The following DIAPH2 variants were observed in gnomAD, a reference collection of about 807,000 sequenced individuals.
DIAPH2 encodes the protein protein diaphanous homolog 2.
Under a neutral mutation model 92.7 loss-of-function variants are expected in DIAPH2, and 35 were observed. That is an observed-to-expected ratio of 0.38 (90% CI 0.29 to 0.50). The LOEUF (loss-of-function observed/expected upper bound fraction) is 0.50, where lower values mean the gene tolerates loss of function less well. Ranked by LOEUF, DIAPH2 falls within the 20% of genes least tolerant of loss-of-function variation. The pLI, the probability that DIAPH2 is intolerant of heterozygous loss-of-function variation, is 0.94. For missense variants in DIAPH2, 701 were observed against 819.5 expected (o/e 0.86, Z 1.77); for synonymous variants, 301 against 280.4 (o/e 1.07, Z -0.73).
At chrX:96,752,696 AG>A (rs1413765746) in intron 3 of DIAPH2, among the ~76,000 whole-genome samples, 1 of 111,895 alleles carries the variant, frequency 8.9e-6, no homozygotes, top group African/African-American at 3.2e-5. Context: ...ACCACATTTC[AG>A]GCAGGGAGAA....
intron 4 of DIAPH2, among the ~76,000 whole-genome samples, chrX:96,843,324 C>G (rs1433874964): frequency 9.0e-6 from 1 of 111,585 alleles, no homozygotes; most frequent in African/African-American, 3.3e-5. Flanking sequence ...GAACTGTGAG[C>G]CAATTAAACA....
In DIAPH2 at chrX:97,196,842, A is replaced by C. The variant is rs375912541; in HGVS notation, c.2720-50873A>C. Reference sequence around the variant, plus strand: ...GCTTTTGTTGCCCAGGCTGGAGTGCAGTGGTGTGATTTTGGCTCACTGCAA... The same window carrying C: ...GCTTTTGTTGCCCAGGCTGGAGTGCCGTGGTGTGATTTTGGCTCACTGCAA... On this transcript the variant is annotated intron_variant, in intron 22 of 26. Coordinates refer to ENST00000324765, the MANE Select transcript of DIAPH2 (RefSeq NM_006729.5). Among the ~76,000 whole-genome samples the C allele has an allele frequency of 7.9e-5, 8 of 101,065 alleles. No homozygotes were observed. The East Asian group carries it at 2.4e-3, about 31-fold the overall frequency. The allele number at this position is 101,065 out of a possible 115,157, so 87.8% of individuals were successfully genotyped here. A position where few individuals can be genotyped will look rare whatever the true frequency, so the allele number is the denominator to read the frequency against.
chrX:97,511,434 T>C (rs2070891894), intron 26 of DIAPH2, among the ~76,000 whole-genome samples: 1 of 104,877 alleles, frequency 9.5e-6, no homozygotes, highest in South Asian at 4.5e-4. Flanking sequence ...TTTCTAGATA[T>C]ACAATCATGT....
intron 25 of DIAPH2, among the ~76,000 whole-genome samples, chrX:97,405,163 A>G (rs1437236227): frequency 1.8e-5 from 2 of 111,925 alleles, no homozygotes; most frequent in Admixed American, 1.9e-4. Context: ...GAGGGAAAAA[A>G]TGAGTTCTAG....
intron 25 of DIAPH2, among the ~76,000 whole-genome samples, chrX:97,415,077 A>ATTTG (rs916213928): frequency 2.7e-5 from 3 of 111,937 alleles, no homozygotes; most frequent in Non-Finnish European, 5.6e-5. Flanking sequence ...GAAGACATTT[A>ATTTG]TGCAGCCAAA....
chrX:97,134,690 C>T (rs1333257370), intron 21 of DIAPH2, among the ~76,000 whole-genome samples: 2 of 111,285 alleles, frequency 1.8e-5, no homozygotes, highest in East Asian at 5.7e-4. Flanking sequence ...GTAGCAAATG[C>T]TCATGAATTC....
chrX:97,207,221 T>C (rs1421174336), intron 22 of DIAPH2, among the ~76,000 whole-genome samples: 1 of 112,123 alleles, frequency 8.9e-6, no homozygotes, highest in Non-Finnish European at 1.9e-5. Flanking sequence ...ACTTTACCAA[T>C]ATTGTGAAAA....
intron 4 of DIAPH2, among the ~76,000 whole-genome samples, chrX:96,837,899 A>G (rs1041483544): frequency 1.8e-5 from 2 of 111,118 alleles, no homozygotes; most frequent in Non-Finnish European, 3.8e-5. Flanking sequence ...CCATGCCGCT[A>G]CTCTTATAGA....
At chrX:97,055,874 T>G (rs1225335431) in intron 17 of DIAPH2, among the ~76,000 whole-genome samples, 1 of 111,723 alleles carries the variant, frequency 9.0e-6, no homozygotes, top group East Asian at 2.8e-4. Context: ...TATCGATGTA[T>G]ATACATATAG....
Position 96,952,346 on chromosome X carries a change from G to T in DIAPH2, c.1614+3307G>T, listed in dbSNP as rs775196040. 2.7e-5 allele frequency among the ~76,000 whole-genome samples: 3 copies of T among 111,695 alleles called. No individual in the cohort carries two copies. In the Admixed American group the frequency reaches 2.9e-4, roughly 11 times the overall value. On this transcript the variant is annotated intron_variant, in intron 15 of 26. Transcript: ENST00000324765. Reference sequence around the variant, plus strand: ...TGAATATTATGGGTAACCTTTCCATGATCTTGTCTACCTATGAGTGTTAGT... The same window carrying T: ...TGAATATTATGGGTAACCTTTCCATTATCTTGTCTACCTATGAGTGTTAGT...
At chrX:97,085,708 C>T (rs1280723986) in intron 19 of DIAPH2, among the ~76,000 whole-genome samples, 1 of 111,804 alleles carries the variant, frequency 8.9e-6, no homozygotes, top group African/African-American at 3.3e-5. Flanking sequence ...TGAGCCACCG[C>T]GGCCGGCCAA....
At chrX:96,888,492 TATATCTCTATATATGTACACACAGATAC>T (rs2065280211) in intron 5 of DIAPH2, among the ~76,000 whole-genome samples, 1 of 104,564 alleles carries the variant, frequency 9.6e-6, no homozygotes, top group Admixed American at 1.1e-4. Context: ...AACACAGATA[TATATCTCTATATATGTACACACAGATAC>T]ATATATCTAT....
Position 97,073,020 on chromosome X carries a change from T to A in DIAPH2, c.2130T>A (p.Asp710Glu). 1.7e-6 allele frequency: 2 copies of A among 1,196,640 alleles called. No individual in the cohort carries two copies. The highest frequency in any genetic ancestry group is 2.3e-6 in the Non-Finnish European group (2 of 885,803). Reference sequence around the variant, plus strand: ...AAGTGAAAGAACTGAGAATTTTGGATCCCAAAACAGCTCAGAATCTGTGTA... The same window carrying A: ...AAGTGAAAGAACTGAGAATTTTGGAACCCAAAACAGCTCAGAATCTGTGTA... The part of the protein sequence containing the change: ...KKKVKELRIL[D>E]PKTAQNLSIF... The change falls in exon 18 of 27, where the codon GAT (aspartate) becomes GAA (glutamate). Residue 710 changes from aspartate to glutamate, a missense_variant. By Grantham distance (45) the Asp-to-Glu change is conservative (BLOSUM62 2). This residue lies in a region of DIAPH2 where 536 missense variants were observed against 599.3 expected (regional missense o/e 0.89). Transcript: ENST00000324765.
intron 23 of DIAPH2, among the ~76,000 whole-genome samples, chrX:97,291,842 A>G (rs1409630488): frequency 3.6e-5 from 4 of 111,171 alleles, no homozygotes; most frequent in Non-Finnish European, 7.5e-5. Flanking sequence ...CCAGCAAGTA[A>G]ACACTTTCAT....
chrX:96,873,557 TGTG>T lies in DIAPH2; in HGVS notation c.448-8018_448-8016del, dbSNP rs747638014. On this transcript the variant is annotated intron_variant, in intron 4 of 26. Transcript: ENST00000324765. ...TTGAAAGGCCAACTTGGGGGATCCT[TGTG>T]GTGATGGAACTGTTCCATATCTTGA... Among the ~76,000 whole-genome samples the T allele has an allele frequency of 6.4e-5, 7 of 109,210 alleles. No individual in the cohort carries two copies. In the South Asian group the frequency reaches 2.8e-3, roughly 44 times the overall value. 94.8% of individuals were successfully genotyped at this position (109,210 alleles called of 115,157 possible). A position where few individuals can be genotyped will look rare whatever the true frequency, so the allele number is the denominator to read the frequency against.
chrX:96,837,875 C>G (rs2064909824), intron 4 of DIAPH2, among the ~76,000 whole-genome samples: 1 of 111,695 alleles, frequency 9.0e-6, no homozygotes, highest in South Asian at 3.8e-4. Flanking sequence ...TGTTGATCCC[C>G]TACTTATTAG....
intron 19 of DIAPH2, among the ~76,000 whole-genome samples, chrX:97,087,394 G>A (rs760762105): frequency 3.6e-5 from 4 of 111,690 alleles, no homozygotes; most frequent in Non-Finnish European, 1.9e-5. Context: ...CTTGGGAAAA[G>A]CAAAGAAGGT....
chrX:97,216,851 G>A (rs1239753696), intron 22 of DIAPH2, among the ~76,000 whole-genome samples: 2 of 111,385 alleles, frequency 1.8e-5, no homozygotes, highest in South Asian at 7.6e-4. Context: ...GGCACTTATC[G>A]ATTTTCCGCC....
intron 3 of DIAPH2, among the ~76,000 whole-genome samples, chrX:96,746,868 T>TA (rs1364968195): frequency 1.8e-5 from 2 of 111,848 alleles, no homozygotes; most frequent in Admixed American, 1.9e-4. Flanking sequence ...ATGACTGAAC[T>TA]AAAGCGGTTC....
Sources: allele counts gnomAD v4.1 joint callset (sites outside exome capture counted in the v4.1 genomes callset), GRCh38; gene constraint gnomAD v4.1.1; regional missense constraint gnomAD v4.1.1; transcripts MANE v1.5; gene names NCBI Gene and HGNC (gene_info 2026-07-23, HGNC 2026-07-21).